The following CNGB1 variants were observed in gnomAD, a reference collection of about 807,000 sequenced individuals.
CNGB1 encodes cyclic nucleotide-gated channel beta-1.
CNGB1 carries 126 observed loss-of-function variants against 151.7 expected under a neutral mutation model. The ratio of observed to expected loss-of-function variants is 0.83; its 90% CI spans 0.72 to 0.96. The LOEUF is 0.96. Among genes scored for constraint, CNGB1 ranks in the 40% least tolerant of loss-of-function variants. CNGB1 has a pLI of 0.00. For synonymous variants in CNGB1, 623 were observed against 635.1 expected (o/e 0.98, Z 0.29); for missense variants, 1,698 against 1,627.0 (o/e 1.04, Z -0.75).
At chr16:57,888,916 T>A (rs1399205545) in intron 31 of CNGB1, among the ~76,000 whole-genome samples, 1 of 152,170 alleles carries the variant, frequency 6.6e-6, no homozygotes, top group Non-Finnish European at 1.5e-5. Flanking sequence ...TATCAGCATT[T>A]ACTGAGTGTC....
At chr16:57,889,766 C>T (rs905311939) in intron 31 of CNGB1, among the ~76,000 whole-genome samples, 2 of 152,120 alleles carry the variant, frequency 1.3e-5, no homozygotes, top group Admixed American at 6.5e-5. Flanking sequence ...AGCTAAGAAG[C>T]GGCAAAGCTA....
chr16:57,903,100 T>C (rs1453634556), intron 27 of CNGB1, among the ~76,000 whole-genome samples: 2 of 145,372 alleles, frequency 1.4e-5, no homozygotes, highest in Non-Finnish European at 3.0e-5. Flanking sequence ...TGCAATGCCC[T>C]GAGAGAAAGC....
intron 32 of CNGB1, among the ~76,000 whole-genome samples, chr16:57,884,938 C>T (rs1320267198): frequency 1.3e-5 from 2 of 152,180 alleles, no homozygotes; most frequent in Non-Finnish European, 2.9e-5. Flanking sequence ...GCTGGGCCCC[C>T]TTTCTGGGAA....
intron 11 of CNGB1, 101 bp downstream of exon 11, chr16:57,958,309 C>T (rs1962142370): frequency 1.8e-6 from 2 of 1,094,314 alleles, no homozygotes; most frequent in South Asian, 2.5e-5. Context: ...GCTGGGGGAG[C>T]TGGGCTTCTG....
At chr16:57,916,520 C>T (rs368415328) in intron 21 of CNGB1, among the ~76,000 whole-genome samples, 29 of 152,308 alleles carry the variant, frequency 1.9e-4, no homozygotes, top group East Asian at 5.8e-4. Context: ...AGAGGTTCTC[C>T]AAGGAAATCT....
In CNGB1 at chr16:57,915,270, G is replaced by A. The variant is rs1439311501; in HGVS notation, c.2283C>T (p.Leu761=). The A allele has an allele frequency of 6.2e-7, 1 of 1,613,894 alleles. No individual in the cohort carries two copies. The highest frequency in any genetic ancestry group is 1.3e-5 in the African/African-American group (1 of 74,934). The stretch of plus-strand genomic sequence containing the variant: ...CTACCTTTAAACAGCGGGGCAGGCG[G>A]AGGAGGGGGTTCACACCGACTTTCA... ...LYLKVGVNPL[L]RLPRCLKYMA... The change falls in exon 23 of 33, where the codon CTC becomes CTT. Residue 761 remains leucine, a synonymous_variant. Coordinates refer to ENST00000251102, the MANE Select transcript of CNGB1 (RefSeq NM_001297.5).
rs1482385322 is a variant in CNGB1 at position 57,923,257 on chromosome 16, C to T, written c.1643+16G>A. 1.3e-6 allele frequency: 2 copies of T among 1,587,878 alleles called. No individual in the cohort carries two copies. Among genetic ancestry groups the T allele is most frequent in the African/African-American group, 1.3e-5 (1 of 74,540 alleles). On this transcript the variant is annotated intron_variant, in intron 18 of 32. Coordinates refer to ENST00000251102, the MANE Select transcript of CNGB1 (RefSeq NM_001297.5). ...CCGCAGTCTTTCAATTTTCTGAGACCCCAGAGGGGTCTCACTCAGTGTCCT... is the reference window on the plus strand; with the variant it reads ...CCGCAGTCTTTCAATTTTCTGAGACTCCAGAGGGGTCTCACTCAGTGTCCT...
intron 18 of CNGB1, among the ~76,000 whole-genome samples, chr16:57,922,367 G>A (rs1179689352): frequency 1.3e-5 from 2 of 151,728 alleles, no homozygotes; most frequent in African/African-American, 4.8e-5. Context: ...GGGACAGTTC[G>A]ATCTCAGAGA....
Position 57,949,394 on chromosome 16 carries a change from TTCCTCC to T in CNGB1, c.1074_1079del (p.Glu370_Glu371del), listed in dbSNP as rs772707738. The T allele has an allele frequency of 1.9e-6, 3 of 1,613,388 alleles. No individual in the cohort carries two copies. Among genetic ancestry groups the T allele is most frequent in the Non-Finnish European group, 2.5e-6 (3 of 1,179,950 alleles). Reference sequence around the variant, plus strand: ...CTTCCTCCTCCTCCTCCTCTTCCTCTTCCTCCTCCTCATCTTCTTTCTCCTCTTCAA... The same window carrying T: ...CTTCCTCCTCCTCCTCCTCTTCCTCTTCCTCATCTTCTTTCTCCTCTTCAA... On this transcript the variant is annotated inframe_deletion, in exon 14 of 33. Coordinates refer to ENST00000251102, the MANE Select transcript of CNGB1 (RefSeq NM_001297.5).
At chr16:57,955,695 C>T (rs992889320) in intron 12 of CNGB1, among the ~76,000 whole-genome samples, 5 of 152,150 alleles carry the variant, frequency 3.3e-5, no homozygotes, top group South Asian at 2.1e-4. Context: ...TTTTAAAGAA[C>T]GGAGAGGGAG....
intron 20 of CNGB1, among the ~76,000 whole-genome samples, 200 bp from the exon 21 acceptor site, chr16:57,917,676 T>C (rs1960914570): frequency 6.6e-6 from 1 of 151,426 alleles, no homozygotes; most frequent in Non-Finnish European, 1.5e-5. Context: ...CTCTCTGCTT[T>C]AGGAGCCAGG....
chr16:57,964,434 G>C (rs969426611), intron 3 of CNGB1, 53 bp downstream of exon 3: 3 of 1,604,358 alleles, frequency 1.9e-6, no homozygotes, highest in African/African-American at 2.7e-5. Flanking sequence ...GCTCCGAGGG[G>C]AGAATGCGGG....
rs1379064484 is a variant in CNGB1 at position 57,958,425 on chromosome 16, C to T, written c.822G>A (p.Gly274=). Reference sequence around the variant, plus strand: ...CAGCACTGACCTGTTCCCCTATTTTCCCATGTAGCACTGGCTGCGGCAAGG... The same window carrying T: ...CAGCACTGACCTGTTCCCCTATTTTTCCATGTAGCACTGGCTGCGGCAAGG... ...EMALPQPVLH[G]KIGEQEPDSP... The change falls in exon 11 of 33, where the codon GGG becomes GGA. Residue 274 remains glycine, a synonymous_variant. Transcript: ENST00000251102. 6.2e-7 allele frequency: 1 copy of T among 1,614,198 alleles called. No individual in the cohort carries two copies. The highest frequency in any genetic ancestry group is 2.2e-5 in the East Asian group (1 of 44,876).
intron 17 of CNGB1, among the ~76,000 whole-genome samples, chr16:57,925,147 T>G (rs1312287744): frequency 1.3e-5 from 2 of 151,664 alleles, no homozygotes; most frequent in African/African-American, 4.8e-5. Context: ...GGATTATAGG[T>G]GTACACCACC....
At chr16:57,936,434 T>C (rs1961510210) in intron 16 of CNGB1, among the ~76,000 whole-genome samples, 1 of 152,182 alleles carries the variant, frequency 6.6e-6, no homozygotes, top group Non-Finnish European at 1.5e-5. Context: ...TAAACTAAGG[T>C]TTATAAGGTT....
At chr16:57,932,265 C>T (rs1278930658) in intron 16 of CNGB1, among the ~76,000 whole-genome samples, 2 of 152,222 alleles carry the variant, frequency 1.3e-5, no homozygotes, top group Non-Finnish European at 2.9e-5. Flanking sequence ...GTCCTGGCGC[C>T]TGGCCTAGCA....
intron 25 of CNGB1, among the ~76,000 whole-genome samples, chr16:57,906,765 C>T (rs1222920787): frequency 2.0e-5 from 3 of 152,204 alleles, no homozygotes; most frequent in African/African-American, 7.2e-5. Context: ...GTCCACAAAG[C>T]TCTGGCTTTA....
intron 24 of CNGB1, 72 bp from the exon 25 acceptor site, chr16:57,911,947 G>C: frequency 1.3e-6 from 2 of 1,598,472 alleles, no homozygotes. Context: ...TGGACAGTGA[G>C]AGCCAACCCA....
chr16:57,962,348 G>C (rs903261853), intron 7 of CNGB1, among the ~76,000 whole-genome samples: 7 of 152,146 alleles, frequency 4.6e-5, no homozygotes, highest in Non-Finnish European at 1.0e-4. Flanking sequence ...GGACCTCTCA[G>C]TCATCCCTGG....
Sources: gnomAD v4.1 joint callset for allele counts (sites outside exome capture counted in the v4.1 genomes callset) on GRCh38, gnomAD v4.1.1 for gene constraint, MANE v1.5 for transcripts, NCBI Gene and HGNC (gene_info 2026-07-23, HGNC 2026-07-21) for gene names.